Variants in PHLDB2 observed in about 807,000 individuals in gnomAD.
PHLDB2 encodes pleckstrin homology like domain family B member 2.
A neutral mutation model predicts 123.6 loss-of-function variants in PHLDB2; 71 were observed. The observed-to-expected ratio is 0.57, with a 90% CI of 0.47 to 0.70. PHLDB2 has a LOEUF of 0.70. Ranked by LOEUF, PHLDB2 falls within the 30% of genes least tolerant of loss-of-function variation. The pLI, the probability that PHLDB2 is intolerant of heterozygous loss-of-function variation, is 0.00. For synonymous variants in PHLDB2, 547 were observed against 541.6 expected (o/e 1.01, Z -0.14); for missense variants, 1,446 against 1,519.5 (o/e 0.95, Z 0.80).
At chr3:111,944,670 GT>G (rs5851805) in intron 8 of PHLDB2, among the ~76,000 whole-genome samples, 76,655 of 150,374 alleles carry the variant, frequency 0.51, 20,179 homozygotes, top group East Asian at 0.74. Context: ...ATTTTTGTTG[GT>G]TTTTTTTTTG....
intron 1 of PHLDB2, among the ~76,000 whole-genome samples, chr3:111,753,589 T>C (rs2059824943): frequency 2.0e-5 from 3 of 152,244 alleles, no homozygotes; most frequent in Admixed American, 2.0e-4. Flanking sequence ...CTTTCTCCCA[T>C]TTTGTAGGTT....
intron 15 of PHLDB2, among the ~76,000 whole-genome samples, chr3:111,968,043 A>C (rs947246053): frequency 6.6e-6 from 1 of 151,716 alleles, no homozygotes; most frequent in Non-Finnish European, 1.5e-5. Flanking sequence ...CAACCAAATG[A>C]CACTTTTCTT....
intron 1 of PHLDB2, among the ~76,000 whole-genome samples, chr3:111,838,921 G>C (rs1225795832): frequency 6.6e-6 from 1 of 152,008 alleles, no homozygotes; most frequent in Non-Finnish European, 1.5e-5. Flanking sequence ...TTCTATCTAG[G>C]AAGAATTCAG....
chr3:111,962,502 G>C (rs1389002812), intron 13 of PHLDB2, among the ~76,000 whole-genome samples, 190 bp downstream of exon 13: 1 of 152,188 alleles, frequency 6.6e-6, no homozygotes, highest in African/African-American at 2.4e-5. Context: ...GTGTAACTTA[G>C]CTAGTCAGGC....
In PHLDB2 at chr3:111,975,397, G is replaced by C. The variant is rs879727137; in HGVS notation, c.*834G>C. The C allele has an allele frequency of 4.6e-5, 7 of 152,168 alleles. No homozygotes were observed. In the East Asian group the frequency reaches 1.3e-3, roughly 29 times the overall value. The allele number at this position is 152,168 out of a possible 1,614,324, so 9.4% of individuals were successfully genotyped here. On this transcript the variant is annotated 3_prime_UTR_variant, in exon 18 of 18. Transcript: ENST00000431670. ...ATATCTGGTGTTAGGAGCTTGTTTTGCTGAAGATTTCTCCATTCCTGGTGC... is the reference window on the plus strand; with the variant it reads ...ATATCTGGTGTTAGGAGCTTGTTTTCCTGAAGATTTCTCCATTCCTGGTGC...
intron 1 of PHLDB2, among the ~76,000 whole-genome samples, chr3:111,872,328 T>C (rs2065380473): frequency 6.6e-6 from 1 of 152,174 alleles, no homozygotes; most frequent in Non-Finnish European, 1.5e-5. Context: ...AACAAACACA[T>C]CAGCATAGAT....
chr3:111,740,869 C>T (rs1227068092), intron 1 of PHLDB2, among the ~76,000 whole-genome samples: 2 of 150,254 alleles, frequency 1.3e-5, no homozygotes, highest in East Asian at 1.9e-4. Context: ...CAAATACAGA[C>T]CTCAATGCCT....
intron 1 of PHLDB2, among the ~76,000 whole-genome samples, chr3:111,803,045 T>C (rs373559519): frequency 2.6e-5 from 4 of 152,358 alleles, no homozygotes; most frequent in South Asian, 4.1e-4. Context: ...CAAAAAGTTT[T>C]ATACTAATCT....
At chr3:111,919,595 T>A (rs748681839) in intron 4 of PHLDB2, among the ~76,000 whole-genome samples, 35 of 152,322 alleles carry the variant, frequency 2.3e-4, no homozygotes, top group African/African-American at 6.3e-4. Flanking sequence ...GAGTTGGATA[T>A]CACATTGGCA....
intron 5 of PHLDB2, among the ~76,000 whole-genome samples, chr3:111,929,911 T>G (rs2069020242): frequency 4.4e-5 from 1 of 22,746 alleles, no homozygotes; most frequent in East Asian, 6.2e-3. Context: ...AAATATAAGA[T>G]TTTTTTTTTT....
At chr3:111,783,257 A>G (rs1455222158) in intron 1 of PHLDB2, among the ~76,000 whole-genome samples, 1 of 152,130 alleles carries the variant, frequency 6.6e-6, no homozygotes, top group Admixed American at 6.6e-5. Flanking sequence ...GGGCAATAGC[A>G]GAAGAGCCAA....
chr3:111,856,343 A>C (rs1456549423), upstream of PHLDB2, among the ~76,000 whole-genome samples: 1 of 152,196 alleles, frequency 6.6e-6, no homozygotes, highest in Non-Finnish European at 1.5e-5. Context: ...CAATGAACTC[A>C]AGAACAAGTG....
rs147534801 is a variant in PHLDB2 at position 111,761,831 on chromosome 3, G to A, written c.-49+29128G>A. 6.9e-3 allele frequency among the ~76,000 whole-genome samples: 1,050 copies of A among 152,154 alleles called. 5 individuals are homozygous for A. The highest frequency in any genetic ancestry group is 0.011 in the African/African-American group (447 of 41,508). ...GAATTGAGCCACAGAGGCCATGACT[G>A]GTTTATTTACCTGGAAAACCAGCCC... On this transcript the variant is annotated intron_variant, in intron 1 of 17. Coordinates refer to the PHLDB2 transcript ENST00000393923.
At chr3:111,843,062 T>A (rs1243948787) in intron 1 of PHLDB2, among the ~76,000 whole-genome samples, 2 of 152,246 alleles carry the variant, frequency 1.3e-5, no homozygotes, top group East Asian at 1.9e-4. Flanking sequence ...CCATGAACAT[T>A]TACATATGAG....
At chr3:111,848,767 CACA>C (rs1361955586) in intron 2 of PHLDB2, among the ~76,000 whole-genome samples, 1 of 152,212 alleles carries the variant, frequency 6.6e-6, no homozygotes, top group Non-Finnish European at 1.5e-5. Context: ...GGTACAGTAG[CACA>C]ACACCTTACC....
At position 111,898,182 on chromosome 3, in the gene PHLDB2, T is replaced by TTGTGTGTGTGTG. The variant is rs58183787; in HGVS notation, c.1335+12784_1335+12795dup. On this transcript the variant is annotated intron_variant, in intron 2 of 17. Transcript: ENST00000431670. ...TTTCTTTGTGTGTGTGTGTGTGTGT[T>TTGTGTGTGTGTG]TGTGTGTGTGTGTGTGTGTGTGTGT... 3.1e-3 allele frequency among the ~76,000 whole-genome samples: 449 copies of TTGTGTGTGTGTG among 142,652 alleles called. 4 individuals carry two copies. Among genetic ancestry groups the TTGTGTGTGTGTG allele is most frequent in the African/African-American group, 0.011 (409 of 37,266 alleles). 93.6% of individuals were successfully genotyped at this position (142,652 alleles called of 152,430 possible). A position where few individuals can be genotyped will look rare whatever the true frequency, so the allele number is the denominator to read the frequency against.
chr3:111,892,240 G>C (rs532557003), intron 2 of PHLDB2, among the ~76,000 whole-genome samples: 21 of 152,264 alleles, frequency 1.4e-4, no homozygotes, highest in Non-Finnish European at 2.6e-4. Context: ...TAATGTTTCT[G>C]TGGTAGTTAT....
In PHLDB2 at chr3:111,793,210, G is replaced by A. The variant is rs113991946; in HGVS notation, c.-48-52611G>A. On this transcript the variant is annotated intron_variant, in intron 1 of 17. Transcript: ENST00000393923. ...CAGGAACTTTAGGAATCTACCTGGC[G>A]CTCTATTCTACTGTGGCTAAGCTGG... Among the ~76,000 whole-genome samples, 556 of 152,236 alleles carry A rather than the reference G, an allele frequency of 3.7e-3. 3 individuals carry two copies. The highest frequency in any genetic ancestry group is 5.7e-3 in the Non-Finnish European group (388 of 68,020).
chr3:111,830,931 A>G (rs1034065872), intron 1 of PHLDB2, among the ~76,000 whole-genome samples: 4 of 139,402 alleles, frequency 2.9e-5, no homozygotes, highest in African/African-American at 7.7e-5. Flanking sequence ...TTCTAGAAAG[A>G]AAGAAAAGAA....
Sources: allele counts gnomAD v4.1 joint callset (sites outside exome capture counted in the v4.1 genomes callset), GRCh38; gene constraint gnomAD v4.1.1; transcripts MANE v1.5; gene names NCBI Gene and HGNC (gene_info 2026-07-23, HGNC 2026-07-21).